PRELID2: variants seen among roughly 807,000 people sequenced by gnomAD.
The protein encoded by PRELID2 is PRELI domain containing 2.
PRELID2 carries 25 observed loss-of-function variants against 28.4 expected under a neutral mutation model. That is an observed-to-expected ratio of 0.88 (90% CI 0.64 to 1.23). PRELID2 has a LOEUF of 1.23. Ranked by LOEUF, PRELID2 falls within the 50% of genes most tolerant of loss-of-function variation. The pLI is 0.00. For synonymous variants in PRELID2, 76 were observed against 71.6 expected (o/e 1.06, Z -0.31); for missense variants, 201 against 214.4 (o/e 0.94, Z 0.39).
At chr5:145,737,384 A>C (rs1198313565) in intron 1 of PRELID2, among the ~76,000 whole-genome samples, 1 of 151,948 alleles carries the variant, frequency 6.6e-6, no homozygotes, top group East Asian at 1.9e-4. Context: ...ACTTACAAAA[A>C]GTCAGTGGTG....
chr5:145,526,276 G>C (rs988689420), intron 1 of PRELID2, among the ~76,000 whole-genome samples: 1 of 152,158 alleles, frequency 6.6e-6, no homozygotes, highest in African/African-American at 2.4e-5. Flanking sequence ...TTTAAGTCTA[G>C]AGCAACCTGA....
the PRELID2 span, among the ~76,000 whole-genome samples, chr5:145,457,439 A>C: frequency 6.6e-6 from 1 of 152,188 alleles, no homozygotes; most frequent in African/African-American, 2.4e-5. Context: ...GGCCATAGTC[A>C]TTGCATTATA....
At chr5:145,719,754 A>G (rs1025473) in intron 1 of PRELID2, among the ~76,000 whole-genome samples, 17,536 of 151,960 alleles carry the variant, frequency 0.12, 1,078 homozygotes, top group African/African-American at 0.14. Context: ...ATTCAAAATG[A>G]TAAAATTCCT....
chr5:145,429,581 G>A, the PRELID2 span, among the ~76,000 whole-genome samples: 1 of 152,180 alleles, frequency 6.6e-6, no homozygotes, highest in East Asian at 1.9e-4. Flanking sequence ...ATGAGATTAC[G>A]TAGGTAGGTC....
chr5:145,613,073 G>A (rs543470925), intron 1 of PRELID2, among the ~76,000 whole-genome samples: 2 of 152,238 alleles, frequency 1.3e-5, no homozygotes, highest in South Asian at 4.1e-4. Context: ...CCTAACAGCT[G>A]TACTAGTTGC....
chr5:145,280,804 A>G, the PRELID2 span, among the ~76,000 whole-genome samples: 3 of 2,900 alleles, frequency 1.0e-3, no homozygotes, highest in East Asian at 0.077. Flanking sequence ...TTGATTCATG[A>G]AAAAAAAAAA....
chr5:145,714,598 A>T (rs181718661), intron 1 of PRELID2, among the ~76,000 whole-genome samples: 2 of 152,102 alleles, frequency 1.3e-5, no homozygotes, highest in East Asian at 3.9e-4. Context: ...GTGCTAAGTA[A>T]TTTCATATAT....
At chr5:145,289,620 C>G in the PRELID2 span, among the ~76,000 whole-genome samples, 4 of 152,238 alleles carry the variant, frequency 2.6e-5, no homozygotes, top group South Asian at 8.3e-4. Flanking sequence ...TACCTAGGAG[C>G]ACTATTCCTA....
chr5:145,615,024 T>C (rs1215793215), intron 1 of PRELID2, among the ~76,000 whole-genome samples: 2 of 152,176 alleles, frequency 1.3e-5, no homozygotes, highest in East Asian at 1.9e-4. Context: ...CCCACTATTA[T>C]TGTGTTGCTG....
At chr5:145,385,437 G>C in the PRELID2 span, among the ~76,000 whole-genome samples, 11 of 152,192 alleles carry the variant, frequency 7.2e-5, no homozygotes, top group African/African-American at 2.7e-4. Context: ...GTGCCGCTCA[G>C]ATGGTGTCTT....
At chr5:145,667,779 C>A (rs992780722) in intron 1 of PRELID2, among the ~76,000 whole-genome samples, 1 of 152,016 alleles carries the variant, frequency 6.6e-6, no homozygotes, top group Non-Finnish European at 1.5e-5. Flanking sequence ...TCAATATAAA[C>A]CCACTAGCAC....
chr5:145,577,163 G>T (rs528028701), intron 1 of PRELID2, among the ~76,000 whole-genome samples: 1 of 152,160 alleles, frequency 6.6e-6, no homozygotes, highest in Non-Finnish European at 1.5e-5. Flanking sequence ...ACTTCTTTAA[G>T]TGCACATACA....
At chr5:145,596,938 C>T (rs921670241) in intron 1 of PRELID2, among the ~76,000 whole-genome samples, 2 of 152,110 alleles carry the variant, frequency 1.3e-5, no homozygotes, top group African/African-American at 4.8e-5. Flanking sequence ...AGTGATTAGT[C>T]ATTTGTCACT....
At chr5:145,727,114 T>C (rs1756191702) in intron 1 of PRELID2, among the ~76,000 whole-genome samples, 1 of 151,984 alleles carries the variant, frequency 6.6e-6, no homozygotes, top group Admixed American at 6.6e-5. Context: ...GAATGTGGGG[T>C]TGAAAGGGAG....
At chr5:145,554,845 A>C (rs1752866430) in intron 1 of PRELID2, among the ~76,000 whole-genome samples, 1 of 152,244 alleles carries the variant, frequency 6.6e-6, no homozygotes, top group Non-Finnish European at 1.5e-5. Context: ...GCAGACAATA[A>C]AACACTGATG....
intron 1 of PRELID2, among the ~76,000 whole-genome samples, chr5:145,564,111 A>C (rs1752946060): frequency 6.6e-6 from 1 of 152,236 alleles, no homozygotes; most frequent in South Asian, 2.1e-4. Flanking sequence ...TTCTGGAAAC[A>C]ATTAGACAAC....
chr5:145,684,713 A>T (rs1036713959), intron 1 of PRELID2, among the ~76,000 whole-genome samples: 5 of 152,194 alleles, frequency 3.3e-5, no homozygotes, highest in African/African-American at 4.8e-5. Context: ...CTTAACCACC[A>T]TTATCATCCT....
At chr5:145,528,811 TC>T (rs1271752023) in intron 1 of PRELID2, among the ~76,000 whole-genome samples, 6 of 151,882 alleles carry the variant, frequency 4.0e-5, no homozygotes, top group African/African-American at 1.5e-4. Flanking sequence ...TTTCCCCAGG[TC>T]TTTTCAAAAA....
Position 145,571,990 on chromosome 5 carries a change from A to AAAAAG in PRELID2, n.71-98676_71-98675insCTTTT, listed in dbSNP as rs530908027. ...GAGTGAGACTCCGTCTCAAAAAAAA[A>AAAAAG]AAAGAAAGAAAAAAGAAAAAAAAGA... On this transcript the variant is annotated intron_variant and non_coding_transcript_variant, in intron 1 of 2. Transcript: ENST00000510259. 6.1e-3 allele frequency among the ~76,000 whole-genome samples: 928 copies of AAAAAG among 151,202 alleles called. 11 individuals are homozygous for AAAAAG. Among genetic ancestry groups the AAAAAG allele is most frequent in the African/African-American group, 0.019 (791 of 40,704 alleles).
Sources: gnomAD v4.1 joint callset for allele counts (sites outside exome capture counted in the v4.1 genomes callset) on GRCh38, gnomAD v4.1.1 for gene constraint, MANE v1.5 for transcripts, NCBI Gene and HGNC (gene_info 2026-07-23, HGNC 2026-07-21) for gene names.